SH3RF3: variants seen among roughly 807,000 people sequenced by gnomAD.
The protein encoded by SH3RF3 is E3 ubiquitin-protein ligase SH3RF3.
In SH3RF3, 29 loss-of-function variants were observed where a neutral mutation model predicts 66.3. The observed-to-expected ratio is 0.44, with a 90% CI of 0.33 to 0.60. The LOEUF (loss-of-function observed/expected upper bound fraction) is 0.60. SH3RF3 is among the 20% of genes least tolerant of loss of function. SH3RF3 has a pLI of 0.04. For missense variants in SH3RF3, 1,194 were observed against 1,190.9 expected (o/e 1.00, Z -0.04); for synonymous variants, 583 against 532.0 (o/e 1.10, Z -1.32).
At chr2:109,192,519 A>T (rs1294184658) in intron 1 of SH3RF3, among the ~76,000 whole-genome samples, 2 of 152,190 alleles carry the variant, frequency 1.3e-5, no homozygotes, top group African/African-American at 4.8e-5. Flanking sequence ...AGCCTTTCTT[A>T]TAGAGATTTG....
intron 1 of SH3RF3, among the ~76,000 whole-genome samples, chr2:109,211,838 T>G (rs1678989234): frequency 6.6e-6 from 1 of 152,140 alleles, no homozygotes. Flanking sequence ...AGACAGGGTT[T>G]CCCCATGTTG....
At chr2:109,232,326 G>C (rs1277107279) in intron 1 of SH3RF3, among the ~76,000 whole-genome samples, 1 of 152,148 alleles carries the variant, frequency 6.6e-6, no homozygotes, top group African/African-American at 2.4e-5. Flanking sequence ...CATTTTTTCA[G>C]AGTTGGAAAA....
chr2:109,484,486 A>G (rs931669954), intron 8 of SH3RF3, among the ~76,000 whole-genome samples: 1 of 152,034 alleles, frequency 6.6e-6, no homozygotes, highest in Non-Finnish European at 1.5e-5. Context: ...CCTTGGCCAC[A>G]TCACTCACCA....
At chr2:109,160,330 CATGCTT>C (rs1677460451) in intron 1 of SH3RF3, among the ~76,000 whole-genome samples, 1 of 152,194 alleles carries the variant, frequency 6.6e-6, no homozygotes. Flanking sequence ...GGGTGCAGCC[CATGCTT>C]TGTTGGGTGA....
chr2:109,203,604 T>G (rs1678737119), intron 1 of SH3RF3, among the ~76,000 whole-genome samples: 1 of 152,124 alleles, frequency 6.6e-6, no homozygotes, highest in Non-Finnish European at 1.5e-5. Context: ...GTTCTCCACT[T>G]TCCCTTTGCA....
At chr2:109,375,437 C>A (rs528921415) in intron 3 of SH3RF3, among the ~76,000 whole-genome samples, 2 of 152,326 alleles carry the variant, frequency 1.3e-5, no homozygotes, top group South Asian at 4.1e-4. Flanking sequence ...AGTGTCCACT[C>A]GGGCACAGAG....
At chr2:109,374,808 G>A (rs994924048) in intron 3 of SH3RF3, among the ~76,000 whole-genome samples, 2 of 152,212 alleles carry the variant, frequency 1.3e-5, no homozygotes, top group East Asian at 1.9e-4. Flanking sequence ...GGGGTTCACC[G>A]AGGGACTCTC....
intron 4 of SH3RF3, among the ~76,000 whole-genome samples, chr2:109,410,553 C>T (rs907792909): frequency 1.3e-5 from 2 of 152,240 alleles, no homozygotes; most frequent in African/African-American, 4.8e-5. Flanking sequence ...CTACTGGGCT[C>T]ATGTGAAATG....
At chr2:109,245,803 G>T (rs1015580844) in intron 1 of SH3RF3, among the ~76,000 whole-genome samples, 1 of 152,114 alleles carries the variant, frequency 6.6e-6, no homozygotes, top group African/African-American at 2.4e-5. Flanking sequence ...TGCCTCAGGG[G>T]GACCCTCAGA....
intron 3 of SH3RF3, among the ~76,000 whole-genome samples, chr2:109,385,332 TG>T (rs574871394): frequency 1.5e-3 from 230 of 152,344 alleles, no homozygotes; most frequent in Non-Finnish European, 2.1e-3. Flanking sequence ...AATTGTAGTT[TG>T]GGGGCCCTGC....
chr2:109,344,141 C>A (rs919295925), intron 1 of SH3RF3, among the ~76,000 whole-genome samples: 7 of 152,178 alleles, frequency 4.6e-5, no homozygotes, highest in African/African-American at 1.7e-4. Flanking sequence ...ATAGAGGGGA[C>A]CTGCTACGCA....
intron 5 of SH3RF3, among the ~76,000 whole-genome samples, chr2:109,431,212 T>C (rs1024381847): frequency 1.3e-5 from 2 of 152,212 alleles, no homozygotes; most frequent in African/African-American, 2.4e-5. Context: ...AGATGCACTG[T>C]GTGCACAAGC....
At chr2:109,469,832 G>A (rs147899421) in intron 8 of SH3RF3, among the ~76,000 whole-genome samples, 6 of 152,280 alleles carry the variant, frequency 3.9e-5, no homozygotes, top group Non-Finnish European at 7.4e-5. Flanking sequence ...TTTTCCAGCC[G>A]TTGGTTATGT....
chr2:109,205,261 CT>C (rs34792138), intron 1 of SH3RF3, among the ~76,000 whole-genome samples: 7,785 of 135,866 alleles, frequency 0.057, 375 homozygotes, highest in African/African-American at 0.14. Context: ...ACTTATGTGA[CT>C]TTTTTTTTTT....
chr2:109,401,224 C>G (rs758356580), intron 4 of SH3RF3, among the ~76,000 whole-genome samples: 26 of 152,202 alleles, frequency 1.7e-4, no homozygotes, highest in Middle Eastern at 3.2e-3. Context: ...GGGGTCCCTC[C>G]TTGGCAACCT....
chr2:109,405,111 C>T (rs948118459), intron 4 of SH3RF3, among the ~76,000 whole-genome samples: 4 of 151,950 alleles, frequency 2.6e-5, no homozygotes, highest in African/African-American at 7.3e-5. Flanking sequence ...GGTTCACCCT[C>T]TCCAGAACCC....
At chr2:109,145,587 C>T (rs960134630) in intron 1 of SH3RF3, among the ~76,000 whole-genome samples, 16 of 152,214 alleles carry the variant, frequency 1.1e-4, no homozygotes, top group Non-Finnish European at 1.3e-4. Context: ...CACTGTTGCA[C>T]GCATGGTCGA....
chr2:109,232,620 T>C (rs115043466), intron 1 of SH3RF3, among the ~76,000 whole-genome samples: 1 of 152,164 alleles, frequency 6.6e-6, no homozygotes, highest in African/African-American at 2.4e-5. Context: ...TTCTACCCTG[T>C]CCATCCCTTC....
chr2:109,188,223 A>T (rs1249546115), intron 1 of SH3RF3, among the ~76,000 whole-genome samples: 1 of 152,216 alleles, frequency 6.6e-6, no homozygotes, highest in Admixed American at 6.5e-5. Flanking sequence ...CAGCTTTGCC[A>T]TGTAGCAGGG....
Sources: allele counts gnomAD v4.1 joint callset (sites outside exome capture counted in the v4.1 genomes callset), GRCh38; gene constraint gnomAD v4.1.1; transcripts MANE v1.5; gene names NCBI Gene and HGNC (gene_info 2026-07-23, HGNC 2026-07-21).